Variants in KIF16B observed in about 807,000 individuals in gnomAD.
The protein encoded by KIF16B is kinesin-like protein KIF16B.
Under a neutral mutation model 156.3 loss-of-function variants are expected in KIF16B, and 98 were observed. That is an observed-to-expected ratio of 0.63 (90% CI 0.53 to 0.74). KIF16B has a LOEUF of 0.74. KIF16B is among the 30% of genes least tolerant of loss of function. KIF16B has a pLI of 0.00. For missense variants in KIF16B, 1,421 were observed against 1,606.5 expected, an observed-to-expected ratio of 0.88 and a Z score of 1.97; for synonymous variants, 564 against 583.7, an observed-to-expected ratio of 0.97 and a Z score of 0.49.
intron 17 of KIF16B, among the ~76,000 whole-genome samples, chr20:16,390,933 C>G (rs1301189334): frequency 6.6e-6 from 1 of 152,078 alleles, no homozygotes; most frequent in African/African-American, 2.4e-5. Flanking sequence ...GCTCATATAT[C>G]GATCACACAG....
chr20:16,498,609 C>T (rs1458746414), intron 10 of KIF16B, among the ~76,000 whole-genome samples: 2 of 152,118 alleles, frequency 1.3e-5, no homozygotes, highest in African/African-American at 2.4e-5. Context: ...CTCTTTTTAA[C>T]AATTCCAATT....
intron 12 of KIF16B, among the ~76,000 whole-genome samples, chr20:16,481,303 C>T (rs529572150): frequency 1.2e-3 from 189 of 152,258 alleles, no homozygotes; most frequent in African/African-American, 4.4e-3. Context: ...TCAAGCAGTC[C>T]TCCTGCCTCA....
At chr20:16,279,208 A>T (rs912220186) in intron 25 of KIF16B, among the ~76,000 whole-genome samples, 1 of 152,166 alleles carries the variant, frequency 6.6e-6, no homozygotes, top group Non-Finnish European at 1.5e-5. Flanking sequence ...CTTAAGGCAT[A>T]GGACAGATAA....
At chr20:16,443,095 T>G (rs2066846095) in intron 12 of KIF16B, among the ~76,000 whole-genome samples, 1 of 152,192 alleles carries the variant, frequency 6.6e-6, no homozygotes, top group Non-Finnish European at 1.5e-5. Context: ...AAATGTTCAC[T>G]AGAGCATGTT....
intron 25 of KIF16B, among the ~76,000 whole-genome samples, chr20:16,297,257 G>C (rs2063401543): frequency 2.6e-5 from 4 of 152,196 alleles, no homozygotes; most frequent in Admixed American, 2.6e-4. Flanking sequence ...TGCTGGTTCT[G>C]TTTCTCAGGA....
In KIF16B at chr20:16,479,411, C is replaced by T. The variant is rs562615908; in HGVS notation, c.1302+14880G>A. On this transcript the variant is annotated intron_variant, in intron 12 of 25. Transcript: ENST00000354981. Reference sequence around the variant, plus strand: ...CATCAGGAAAAATAGCTACCGAATGCGGGGCTTAATACCTAGGTGATGGGT... The same window carrying T: ...CATCAGGAAAAATAGCTACCGAATGTGGGGCTTAATACCTAGGTGATGGGT... 8.0e-4 allele frequency among the ~76,000 whole-genome samples: 122 copies of T among 152,056 alleles called. 2 individuals carry two copies. Among genetic ancestry groups the T allele is most frequent in the African/African-American group, 2.5e-3 (105 of 41,474 alleles).
chr20:16,503,488 T>C (rs2068683045), intron 10 of KIF16B, among the ~76,000 whole-genome samples: 1 of 152,200 alleles, frequency 6.6e-6, no homozygotes, highest in South Asian at 2.1e-4. Context: ...AAAACATTTA[T>C]GGGATGCCAA....
At chr20:16,533,332 C>A (rs1384837080) in intron 1 of KIF16B, among the ~76,000 whole-genome samples, 1 of 152,126 alleles carries the variant, frequency 6.6e-6, no homozygotes, top group Non-Finnish European at 1.5e-5. Flanking sequence ...TCCAGGGAAG[C>A]TTGACAGAAA....
Position 16,379,696 on chromosome 20 carries a change from AGCTGCTCTTCCAGATGG to A in KIF16B, c.2289_2305del (p.His764ProfsTer44), listed in dbSNP as rs1236008438. ...CTGGATCATCTCCTGCTTCTCTCGG[AGCTGCTCTTCCAGATGG>A]GCCACGAGCATGACCTGCTCCTTCT... On this transcript the variant is annotated frameshift_variant, in exon 19 of 26. Coordinates refer to ENST00000354981, the MANE Select transcript of KIF16B (RefSeq NM_024704.5). LOFTEE classifies it high-confidence loss of function. 1.2e-6 allele frequency: 2 copies of A among 1,613,854 alleles called. No individual in the cohort carries two copies. The highest frequency in any genetic ancestry group is 2.7e-5 in the African/African-American group (2 of 74,846).
intron 12 of KIF16B, among the ~76,000 whole-genome samples, chr20:16,458,997 A>G (rs1413128374): frequency 6.6e-6 from 1 of 152,202 alleles, no homozygotes; most frequent in Non-Finnish European, 1.5e-5. Context: ...ATGAAAATTA[A>G]TCAAATCCCA....
chr20:16,338,854 C>T (rs1207586306), intron 23 of KIF16B, among the ~76,000 whole-genome samples: 1 of 152,158 alleles, frequency 6.6e-6, no homozygotes, highest in African/African-American at 2.4e-5. Flanking sequence ...AATGATTACT[C>T]CTCTTTGTCC....
chr20:16,388,160 A>G (rs1478073006), intron 17 of KIF16B, among the ~76,000 whole-genome samples: 2 of 152,232 alleles, frequency 1.3e-5, no homozygotes, highest in Non-Finnish European at 2.9e-5. Flanking sequence ...AATGCCGTAA[A>G]GATGTTTGGT....
At chr20:16,372,415 AACACCACTGACTTTTGAAGC>A in intron 20 of KIF16B, among the ~76,000 whole-genome samples, 1 of 152,364 alleles carries the variant, frequency 6.6e-6, no homozygotes, top group Non-Finnish European at 1.5e-5. Context: ...GATGAAGCCA[AACACCACTGACTTTTGAAGC>A]AGTGTCAACT....
At chr20:16,511,113 G>A (rs1055513312) in intron 6 of KIF16B, among the ~76,000 whole-genome samples, 3 of 152,146 alleles carry the variant, frequency 2.0e-5, no homozygotes, top group Non-Finnish European at 4.4e-5. Context: ...AAAATGCAAT[G>A]CCATTTAGAG....
At chr20:16,284,725 C>T (rs1023891170) in intron 25 of KIF16B, among the ~76,000 whole-genome samples, 23 of 152,152 alleles carry the variant, frequency 1.5e-4, no homozygotes, top group Non-Finnish European at 3.2e-4. Flanking sequence ...CTCCCTACTA[C>T]AGAACTGTAG....
At chr20:16,276,433 A>G (rs4416282) in intron 25 of KIF16B, among the ~76,000 whole-genome samples, 17,260 of 152,266 alleles carry the variant, frequency 0.11, 1,066 homozygotes, top group African/African-American at 0.14. Flanking sequence ...TCCAGATAGA[A>G]TGATCTGATT....
intron 22 of KIF16B, chr20:16,367,538 G>C: frequency 6.2e-7 from 1 of 1,612,794 alleles, no homozygotes; most frequent in South Asian, 1.1e-5. Flanking sequence ...GACTGGCACT[G>C]GTCATGGCCA....
intron 25 of KIF16B, among the ~76,000 whole-genome samples, chr20:16,291,750 T>C (rs2063318369): frequency 6.6e-6 from 1 of 152,212 alleles, no homozygotes; most frequent in Admixed American, 6.5e-5. Context: ...ATTACTTAAA[T>C]ATGCCCAGAT....
intron 12 of KIF16B, among the ~76,000 whole-genome samples, chr20:16,450,525 A>C (rs1600429144): frequency 2.0e-5 from 3 of 152,322 alleles, no homozygotes; most frequent in Admixed American, 2.0e-4. Context: ...ACAGACATGC[A>C]CACACCTCCC....
Sources: gnomAD v4.1 joint callset for allele counts (sites outside exome capture counted in the v4.1 genomes callset) on GRCh38, gnomAD v4.1.1 for gene constraint, MANE v1.5 for transcripts, NCBI Gene and HGNC (gene_info 2026-07-23, HGNC 2026-07-21) for gene names.